The following WWC1 variants were observed in gnomAD, a reference collection of about 807,000 sequenced individuals.
WWC1 encodes protein KIBRA.
WWC1 carries 55 observed loss-of-function variants against 138.4 expected under a neutral mutation model. The ratio of observed to expected loss-of-function variants is 0.40; its 90% CI spans 0.32 to 0.50. The LOEUF is 0.50. Ranked by LOEUF, WWC1 falls within the 20% of genes least tolerant of loss-of-function variation. WWC1 has a pLI of 0.72. For synonymous variants in WWC1, 524 were observed against 564.9 expected, an observed-to-expected ratio of 0.93 and a Z score of 1.03; for missense variants, 1,226 against 1,420.4, an observed-to-expected ratio of 0.86 and a Z score of 2.20.
intron 6 of WWC1, among the ~76,000 whole-genome samples, chr5:168,408,172 A>G (rs1779948446): frequency 6.6e-6 from 1 of 151,390 alleles, no homozygotes; most frequent in African/African-American, 2.4e-5. Flanking sequence ...GATTATTCCC[A>G]TTTTATAGGA....
intron 5 of WWC1, among the ~76,000 whole-genome samples, chr5:168,400,928 G>T (rs1488361614): frequency 6.6e-6 from 1 of 151,574 alleles, no homozygotes; most frequent in South Asian, 2.1e-4. Context: ...GAAAAAGAAC[G>T]AGAGAGAAAG....
In WWC1 at chr5:168,466,689, G is replaced by A. The variant is rs146587689; in HGVS notation, c.3151-1151G>A. Among the ~76,000 whole-genome samples the A allele has an allele frequency of 3.4e-3, 520 of 152,298 alleles. 2 individuals are homozygous for A. The highest frequency in any genetic ancestry group is 0.012 in the African/African-American group (488 of 41,564). The stretch of plus-strand genomic sequence containing the variant: ...ACATTGAGGGGAAAACAGAAAATTG[G>A]AAGGCTTGAAGGAGGAGAGGAAATA... On this transcript the variant is annotated intron_variant, in intron 21 of 22. Transcript: ENST00000265293.
intron 13 of WWC1, 138 bp from the exon 14 acceptor site, chr5:168,429,999 C>A: frequency 1.5e-6 from 1 of 650,178 alleles, no homozygotes. Context: ...GGCAGCAAAG[C>A]ACTGGGCCTG....
chr5:168,348,435 G>A (rs1052861377), intron 1 of WWC1, among the ~76,000 whole-genome samples: 5 of 152,208 alleles, frequency 3.3e-5, no homozygotes, highest in African/African-American at 1.2e-4. Context: ...GGGAAGAGCT[G>A]CTGGCAGAGG....
chr5:168,330,268 A>G (rs915315270), intron 1 of WWC1, among the ~76,000 whole-genome samples: 2 of 152,176 alleles, frequency 1.3e-5, no homozygotes, highest in African/African-American at 4.8e-5. Flanking sequence ...TGGGACCCAC[A>G]CTGTCTAGGA....
At chr5:168,456,303 T>TAA (rs67370902) in intron 19 of WWC1, among the ~76,000 whole-genome samples, 3 of 148,978 alleles carry the variant, frequency 2.0e-5, no homozygotes, top group East Asian at 4.0e-4. Context: ...GACCCTATCT[T>TAA]AAAAAAAAAA....
intron 8 of WWC1, chr5:168,411,935 A>G (rs546841202): frequency 1.0e-6 from 1 of 971,318 alleles, no homozygotes; most frequent in Non-Finnish European, 1.2e-6. Context: ...TTGGAATATT[A>G]TTAACAAAAG....
At position 168,428,083 on chromosome 5, in the gene WWC1, G is replaced by A. The variant is rs1192324622; in HGVS notation, c.1861G>A (p.Ala621Thr). 4 of 1,613,776 alleles carry A rather than the reference G, an allele frequency of 2.5e-6. No individual in the cohort carries two copies. Among genetic ancestry groups the A allele is most frequent in the Admixed American group, 1.7e-5 (1 of 60,020 alleles). The change falls in exon 12 of 23, where the codon GCC becomes ACC. Residue 621 changes from alanine (A) to threonine (T), a missense_variant. Transcript: ENST00000265293. The part of the protein sequence containing the change: ...CGLKVACVSA[A>T]VSDESVAGDS... ...CCTGAAAGTGGCCTGTGTCTCAGCC[G>A]CCGTATCGGACGAGTCAGTGGCTGG... is the stretch of plus-strand genomic sequence containing the variant.
In WWC1 at chr5:168,409,876, C is replaced by T. The variant is rs547799252; in HGVS notation, c.868-46C>T. ...GAGCCCTCGAAACCCAACTCAGCAC[C>T]GGCCACAACAGCCACATAATTCCTG... On this transcript the variant is annotated intron_variant, in intron 7 of 22. Coordinates refer to ENST00000265293, the MANE Select transcript of WWC1 (RefSeq NM_015238.3). The T allele has an allele frequency of 2.5e-5, 40 of 1,604,784 alleles. No individual in the cohort carries two copies. The East Asian group carries it at 5.6e-4, about 22-fold the overall frequency.
rs41402845 is a variant in WWC1, at chr5:168,449,988, C to G, written c.2526-3980C>G. On this transcript the variant is annotated intron_variant, in intron 17 of 22. Transcript: ENST00000265293. The stretch of plus-strand genomic sequence containing the variant: ...AGAAGAGGTTTTAATTGCAGAGTTG[C>G]GAGTAGAGATCCAAAATGCATTCTC... 1.4e-3 allele frequency among the ~76,000 whole-genome samples: 212 copies of G among 152,252 alleles called. 4 individuals are homozygous for G. In the East Asian group the frequency reaches 0.036, roughly 26 times the overall value.
intron 17 of WWC1, among the ~76,000 whole-genome samples, chr5:168,453,341 A>C (rs563229637): frequency 1.1e-4 from 17 of 152,324 alleles, no homozygotes; most frequent in African/African-American, 3.8e-4. Context: ...GTCTGATTCC[A>C]TTTGCATGAA....
intron 8 of WWC1, among the ~76,000 whole-genome samples, chr5:168,411,232 C>G (rs1965673): frequency 0.071 from 10,794 of 152,172 alleles, 483 homozygotes; most frequent in East Asian, 0.17. Flanking sequence ...CGGCCAAGTT[C>G]ATGATCTTTC....
intron 19 of WWC1, among the ~76,000 whole-genome samples, chr5:168,458,380 C>T (rs1303838778): frequency 6.6e-6 from 1 of 152,164 alleles, no homozygotes; most frequent in Admixed American, 6.5e-5. Context: ...TTCCTCTGGC[C>T]TCCTCGGGTC....
chr5:168,408,417 G>T, intron 6 of WWC1, 90 bp from the exon 7 acceptor site: 1 of 1,467,554 alleles, frequency 6.8e-7, no homozygotes, highest in Admixed American at 1.9e-5. Context: ...TAAATTAAGG[G>T]AGGGTAGAGA....
At chr5:168,317,342 C>T (rs540538762) in intron 1 of WWC1, among the ~76,000 whole-genome samples, 42 of 152,328 alleles carry the variant, frequency 2.8e-4, no homozygotes, top group African/African-American at 9.4e-4. Context: ...GTTAAGCTCT[C>T]GCACTCTCCG....
At chr5:168,394,820 A>C (rs1778771003) in intron 3 of WWC1, among the ~76,000 whole-genome samples, 2 of 152,164 alleles carry the variant, frequency 1.3e-5, no homozygotes, top group African/African-American at 4.8e-5. Flanking sequence ...TACAGTGCTG[A>C]TTGCTTGAGC....
intron 3 of WWC1, among the ~76,000 whole-genome samples, chr5:168,395,663 A>T (rs1319632153): frequency 6.6e-6 from 1 of 152,212 alleles, no homozygotes; most frequent in Non-Finnish European, 1.5e-5. Context: ...ATTGGCAATA[A>T]AACATCTCTG....
chr5:168,430,118 A>G lies in WWC1; in HGVS notation c.2001-19A>G. 6.3e-7 allele frequency: 1 copy of G among 1,581,150 alleles called. No individual in the cohort carries two copies. The highest frequency in any genetic ancestry group is 2.2e-5 in the East Asian group (1 of 44,700). ...AGTGTGTTACTAATAGGTACTTCAT[A>G]TGCCCCTTTTCATTTCAGGTATGAT... On this transcript the variant is annotated intron_variant, in intron 13 of 22. Coordinates refer to ENST00000265293, the MANE Select transcript of WWC1 (RefSeq NM_015238.3).
chr5:168,367,611 G>A (rs1032994432), intron 1 of WWC1, among the ~76,000 whole-genome samples: 4 of 152,280 alleles, frequency 2.6e-5, no homozygotes, highest in South Asian at 2.1e-4. Flanking sequence ...GAGCCACTGC[G>A]CCTGGCCCAG....
Sources: allele counts gnomAD v4.1 joint callset (sites outside exome capture counted in the v4.1 genomes callset), GRCh38; gene constraint gnomAD v4.1.1; transcripts MANE v1.5; gene names NCBI Gene and HGNC (gene_info 2026-07-23, HGNC 2026-07-21).